PTPRT: variants seen among roughly 807,000 people sequenced by gnomAD.
PTPRT encodes receptor-type tyrosine-protein phosphatase T.
Under a neutral mutation model 176.8 loss-of-function variants are expected in PTPRT, and 56 were observed. The ratio of observed to expected loss-of-function variants is 0.32; its 90% confidence interval spans 0.26 to 0.40. PTPRT has a LOEUF of 0.40. Ranked by LOEUF, PTPRT falls within the 10% of genes least tolerant of loss-of-function variation. The pLI is 1.00. For missense variants in PTPRT, 1,540 were observed against 1,908.2 expected (o/e 0.81, Z 3.60); for synonymous variants, 783 against 739.0 (o/e 1.06, Z -0.96).
chr20:42,243,921 A>T (rs2146893492), intron 14 of PTPRT, among the ~76,000 whole-genome samples: 1 of 152,352 alleles, frequency 6.6e-6, no homozygotes, highest in South Asian at 2.1e-4. Flanking sequence ...AAATTATGTC[A>T]GTGTGTGAGC....
intron 1 of PTPRT, among the ~76,000 whole-genome samples, chr20:43,188,859 G>A (rs546895428): frequency 0.029 from 1 of 34 alleles, no homozygotes; most frequent in Non-Finnish European, 0.083. Context: ...TTAGGAGCAC[G>A]GCAGGCACCA....
intron 1 of PTPRT, among the ~76,000 whole-genome samples, chr20:43,085,777 C>T (rs1039735423): frequency 6.6e-6 from 1 of 152,176 alleles, no homozygotes; most frequent in African/African-American, 2.4e-5. Flanking sequence ...ATTACAGGAG[C>T]TACAATTCAA....
chr20:42,965,507 CTTAAGT>C (rs747227701), intron 1 of PTPRT, among the ~76,000 whole-genome samples: 13 of 152,130 alleles, frequency 8.5e-5, no homozygotes, highest in Non-Finnish European at 1.5e-4. Flanking sequence ...GTTTCTATAA[CTTAAGT>C]TTAAGAATGC....
At chr20:42,180,121 A>G (rs1292407947) in intron 16 of PTPRT, among the ~76,000 whole-genome samples, 3 of 152,210 alleles carry the variant, frequency 2.0e-5, no homozygotes, top group African/African-American at 4.8e-5. Flanking sequence ...TCTCATAGGC[A>G]CAAGGGTCTT....
chr20:42,315,184 C>CAAAAAAA (rs71193656), intron 12 of PTPRT, among the ~76,000 whole-genome samples: 2 of 63,398 alleles, frequency 3.2e-5, no homozygotes, highest in African/African-American at 1.4e-4. Context: ...GGCTCCGTCT[C>CAAAAAAA]AAAAAAAAAA....
chr20:42,396,010 C>CTCCG (rs1218100109), intron 9 of PTPRT, among the ~76,000 whole-genome samples: 1 of 152,164 alleles, frequency 6.6e-6, no homozygotes, highest in Non-Finnish European at 1.5e-5. Flanking sequence ...CTGCTAACAT[C>CTCCG]TCCGTCCTCT....
intron 12 of PTPRT, among the ~76,000 whole-genome samples, chr20:42,296,060 C>T (rs984866302): frequency 1.8e-4 from 27 of 152,080 alleles, no homozygotes; most frequent in African/African-American, 6.0e-4. Context: ...AGTGTGAGAA[C>T]GAACTAATAT....
intron 7 of PTPRT, among the ~76,000 whole-genome samples, chr20:42,584,702 T>C (rs2073441453): frequency 6.6e-6 from 1 of 152,204 alleles, no homozygotes. Flanking sequence ...CATTCTTTAG[T>C]ACGAATTCTC....
the PTPRT span, among the ~76,000 whole-genome samples, chr20:42,042,902 C>A: frequency 6.6e-6 from 1 of 152,258 alleles, no homozygotes; most frequent in Non-Finnish European, 1.5e-5. Context: ...CCCAACACAG[C>A]TGTAGCTGGC....
chr20:43,018,354 G>C (rs1985474413), intron 1 of PTPRT, among the ~76,000 whole-genome samples: 1 of 151,992 alleles, frequency 6.6e-6, no homozygotes, highest in Admixed American at 6.6e-5. Context: ...ACCAAACTCA[G>C]AATAAATTAC....
chr20:42,429,831 G>T (rs1023919699), intron 9 of PTPRT, among the ~76,000 whole-genome samples: 1 of 152,214 alleles, frequency 6.6e-6, no homozygotes, highest in African/African-American at 2.4e-5. Context: ...CTTGAGCAGG[G>T]TGCTGAGGAT....
intron 1 of PTPRT, among the ~76,000 whole-genome samples, chr20:42,957,191 A>G (rs1981693932): frequency 6.6e-6 from 1 of 152,180 alleles, no homozygotes; most frequent in African/African-American, 2.4e-5. Context: ...CCTAGAAGTG[A>G]TTAACTACAG....
At chr20:42,337,468 T>C (rs1600854186) in intron 11 of PTPRT, among the ~76,000 whole-genome samples, 1 of 152,190 alleles carries the variant, frequency 6.6e-6, no homozygotes, top group African/African-American at 2.4e-5. Context: ...ATTGTGAGTG[T>C]ACAGTCAATG....
intron 7 of PTPRT, among the ~76,000 whole-genome samples, chr20:42,562,483 C>G (rs1381945789): frequency 6.6e-6 from 1 of 152,236 alleles, no homozygotes; most frequent in Non-Finnish European, 1.5e-5. Flanking sequence ...CAGTACAATA[C>G]AACAATGTAT....
chr20:42,859,078 G>T (rs1026114849), intron 2 of PTPRT, among the ~76,000 whole-genome samples: 5 of 152,164 alleles, frequency 3.3e-5, no homozygotes, highest in African/African-American at 1.2e-4. Flanking sequence ...AGGGACTCCA[G>T]TAGATAGCGT....
At position 42,074,632 on chromosome 20, in the gene PTPRT, C is replaced by T; in HGVS notation, c.*6247G>A. On this transcript the variant is annotated 3_prime_UTR_variant, in exon 31 of 31. Transcript: ENST00000373187. ...CTGAGCCCTTGCACTTCCCTTGTATCTGCCCCAGTGGACCACCCCTGAGCT... is the reference window on the plus strand; with the variant it reads ...CTGAGCCCTTGCACTTCCCTTGTATTTGCCCCAGTGGACCACCCCTGAGCT... 2.5e-6 allele frequency: 1 copy of T among 396,610 alleles called. No individual in the cohort carries two copies. Among genetic ancestry groups the T allele is most frequent in the Non-Finnish European group, 4.4e-6 (1 of 225,276 alleles). 24.6% of individuals were successfully genotyped at this position (396,610 alleles called of 1,614,324 possible).
At chr20:43,121,964 C>G (rs186786191) in intron 1 of PTPRT, among the ~76,000 whole-genome samples, 1 of 152,180 alleles carries the variant, frequency 6.6e-6, no homozygotes, top group Non-Finnish European at 1.5e-5. Flanking sequence ...TACTAAGTGG[C>G]TGAACCAAAA....
At chr20:42,223,856 G>A (rs2055942832) in intron 15 of PTPRT, among the ~76,000 whole-genome samples, 1 of 152,098 alleles carries the variant, frequency 6.6e-6, no homozygotes, top group Admixed American at 6.5e-5. Context: ...GTCCATTGTT[G>A]CTAAGCTGTT....
chr20:43,066,019 A>C (rs186016297), intron 1 of PTPRT, among the ~76,000 whole-genome samples: 1 of 152,270 alleles, frequency 6.6e-6, no homozygotes, highest in Admixed American at 6.5e-5. Flanking sequence ...TATCTGCAAA[A>C]GTCTAGGCCT....
Sources: allele counts gnomAD v4.1 joint callset (sites outside exome capture counted in the v4.1 genomes callset), GRCh38; gene constraint gnomAD v4.1.1; transcripts MANE v1.5; gene names NCBI Gene and HGNC (gene_info 2026-07-23, HGNC 2026-07-21).